PVT1: variants seen among roughly 807,000 people sequenced by gnomAD.
PVT1 encodes the protein CXCR4/PVT1 fusion.
intron 2 of PVT1, among the ~76,000 whole-genome samples, chr8:127,805,173 A>C (rs1390517608): frequency 6.7e-6 from 1 of 148,494 alleles, no homozygotes; most frequent in Non-Finnish European, 1.5e-5. Context: ...CAGGTGATCC[A>C]CCCGCCTTGG....
intron 2 of PVT1, among the ~76,000 whole-genome samples, chr8:127,813,574 A>G (rs1298847269): frequency 3.3e-5 from 5 of 152,136 alleles, no homozygotes; most frequent in African/African-American, 1.2e-4. Flanking sequence ...TCCCACTCTA[A>G]TAACAGACCG....
chr8:127,824,304 C>T (rs761023399), intron 2 of PVT1, among the ~76,000 whole-genome samples: 3 of 152,214 alleles, frequency 2.0e-5, no homozygotes, highest in Non-Finnish European at 4.4e-5. Context: ...ATTATGAAGG[C>T]TGAACAGGTG....
chr8:127,973,675 T>C lies in PVT1; in HGVS notation n.783-15487T>C, dbSNP rs1432860385. ...AGTGTAGAAGCTGACCCAAGTTGCCTTTTTGAAAAAAAAAAAAAGAAGGCC... is the reference window on the plus strand; with the variant it reads ...AGTGTAGAAGCTGACCCAAGTTGCCCTTTTGAAAAAAAAAAAAAGAAGGCC... On this transcript the variant is annotated intron_variant and non_coding_transcript_variant, in intron 3 of 10. Coordinates refer to ENST00000651587, the Ensembl canonical transcript of PVT1. 1.2e-4 allele frequency among the ~76,000 whole-genome samples: 12 copies of C among 100,776 alleles called. No individual in the cohort carries two copies. The Admixed American group carries it at 1.5e-3, about 13-fold the overall frequency. The allele number at this position is 100,776 out of a possible 152,430, so 66.1% of individuals were successfully genotyped here.
At chr8:128,036,383 C>T (rs144284951) in intron 4 of PVT1, among the ~76,000 whole-genome samples, 12 of 152,202 alleles carry the variant, frequency 7.9e-5, no homozygotes, top group Admixed American at 2.6e-4. Context: ...TCTTGTACCT[C>T]GTCATCGACA....
intron 3 of PVT1, among the ~76,000 whole-genome samples, chr8:127,955,588 G>C (rs1418189719): frequency 6.8e-6 from 1 of 147,296 alleles, no homozygotes; most frequent in African/African-American, 2.5e-5. Context: ...CCCCTCCCCT[G>C]CCCTCCCCTC....
At chr8:128,070,013 G>A (rs1262468382) in intron 4 of PVT1, 1 of 152,078 alleles carries the variant, frequency 6.6e-6, no homozygotes, top group African/African-American at 2.4e-5. Context: ...AGCCACTCCA[G>A]TGTGCTTGCT....
intron 5 of PVT1, among the ~76,000 whole-genome samples, chr8:128,089,711 A>G (rs1423604678): frequency 1.3e-5 from 2 of 152,202 alleles, no homozygotes; most frequent in Non-Finnish European, 2.9e-5. Flanking sequence ...TTAGAAGAAA[A>G]TCATTCTTTC....
chr8:128,050,337 T>C (rs778433177), intron 4 of PVT1, among the ~76,000 whole-genome samples: 1 of 152,194 alleles, frequency 6.6e-6, no homozygotes, highest in East Asian at 1.9e-4. Context: ...GTTCTGACCA[T>C]GTCCCTGTCC....
intron 2 of PVT1, among the ~76,000 whole-genome samples, chr8:127,814,196 C>T (rs982032862): frequency 5.3e-5 from 8 of 152,218 alleles, no homozygotes; most frequent in Admixed American, 5.2e-4. Context: ...GTGGGGAAGA[C>T]CTCCATCCTC....
chr8:128,022,052 A>C (rs1817444785), intron 4 of PVT1, among the ~76,000 whole-genome samples: 1 of 152,198 alleles, frequency 6.6e-6, no homozygotes, highest in African/African-American at 2.4e-5. Flanking sequence ...ACTCTGTCCC[A>C]AAAATAAAGA....
intron 5 of PVT1, among the ~76,000 whole-genome samples, chr8:128,076,917 G>C (rs938417026): frequency 3.3e-5 from 5 of 152,224 alleles, no homozygotes; most frequent in African/African-American, 1.2e-4. Context: ...AAGGTGCTGA[G>C]CTGCCATGAT....
intron 2 of PVT1, among the ~76,000 whole-genome samples, chr8:127,853,845 C>T (rs566884764): frequency 3.9e-5 from 6 of 152,140 alleles, no homozygotes; most frequent in South Asian, 4.1e-4. Flanking sequence ...AGAAGAAAGG[C>T]GGGGCACGAT....
chr8:127,988,163 G>A (rs1025623589), intron 3 of PVT1, among the ~76,000 whole-genome samples: 6 of 152,208 alleles, frequency 3.9e-5, no homozygotes, highest in Non-Finnish European at 5.9e-5. Flanking sequence ...GGGAATACAA[G>A]CCACCTGCCC....
intron 4 of PVT1, among the ~76,000 whole-genome samples, chr8:128,063,177 T>C (rs1813853193): frequency 6.6e-6 from 1 of 152,210 alleles, no homozygotes; most frequent in Middle Eastern, 3.2e-3. Context: ...GTTTGATGAC[T>C]TCTTATTGCT....
chr8:127,897,561 GAAA>G (rs1310176102), intron 3 of PVT1, among the ~76,000 whole-genome samples: 2 of 145,820 alleles, frequency 1.4e-5, no homozygotes, highest in Middle Eastern at 3.6e-3. Flanking sequence ...AAGAAGGAAA[GAAA>G]GAAGGAAGGA....
At chr8:127,797,331 T>G (rs1814408916) in intron 2 of PVT1, among the ~76,000 whole-genome samples, 1 of 152,186 alleles carries the variant, frequency 6.6e-6, no homozygotes, top group South Asian at 2.1e-4. Context: ...CCCGGCCTTG[T>G]TTTGCTTTTT....
At chr8:128,078,277 C>T (rs1056598568) in intron 5 of PVT1, among the ~76,000 whole-genome samples, 5 of 152,156 alleles carry the variant, frequency 3.3e-5, no homozygotes, top group African/African-American at 7.2e-5. Flanking sequence ...GCTGGGTAGG[C>T]GAGTGAGTGA....
chr8:128,064,613 C>G (rs1813879281), intron 4 of PVT1, among the ~76,000 whole-genome samples: 1 of 152,172 alleles, frequency 6.6e-6, no homozygotes, highest in Non-Finnish European at 1.5e-5. Flanking sequence ...GACATTTTTA[C>G]CGAACATCTG....
At chr8:127,814,430 G>A (rs1814636465) in intron 2 of PVT1, among the ~76,000 whole-genome samples, 1 of 152,182 alleles carries the variant, frequency 6.6e-6, no homozygotes, top group Admixed American at 6.5e-5. Context: ...GGGCTGAGTT[G>A]TGTCTTAATG....
Sources: gnomAD v4.1 joint callset for allele counts (sites outside exome capture counted in the v4.1 genomes callset) on GRCh38, gnomAD v4.1.1 for gene constraint, MANE v1.5 for transcripts, NCBI Gene and HGNC (gene_info 2026-07-23, HGNC 2026-07-21) for gene names.